The following KIF26A variants were observed in gnomAD, a reference collection of about 807,000 sequenced individuals.
KIF26A encodes the protein kinesin-like protein KIF26A.
KIF26A carries 74 observed loss-of-function variants against 126.0 expected under a neutral mutation model. The observed-to-expected ratio is 0.59, with a 90% CI of 0.49 to 0.71. The LOEUF is 0.71. Among genes scored for constraint, KIF26A ranks in the 30% least tolerant of loss-of-function variants. The probability of loss-of-function intolerance (pLI) is 0.00; values close to 1 mark genes in which losing one functional copy is unlikely to be tolerated. For synonymous variants in KIF26A, 1,445 were observed against 1,232.7 expected (o/e 1.17, Z -3.61); for missense variants, 2,984 against 2,763.3 (o/e 1.08, Z -1.79).
In KIF26A at chr14:104,175,638, C is replaced by A. The variant is rs745661898; in HGVS notation, c.2850C>A (p.Ser950Arg). The stretch of plus-strand genomic sequence containing the variant: ...GTGGAGGCAGGAGGCCACTGCCCAG[C>A]CCGGCTCCCCCACCTCCTCAGTTGC... ...AVSGGRRPLP[S>R]PAPPPPQLLE... The change falls in exon 12 of 15, where the codon AGC becomes AGA. Residue 950 changes from serine (S) to arginine (R), a missense_variant. Ser to Arg is a moderately radical substitution (Grantham distance 110). Coordinates refer to ENST00000423312, the MANE Select transcript of KIF26A (RefSeq NM_015656.2). 1 of 1,610,470 alleles carries A rather than the reference C, an allele frequency of 6.2e-7. No homozygotes were observed. The highest frequency in any genetic ancestry group is 2.2e-5 in the East Asian group (1 of 44,852).
intron 13 of KIF26A, 64 bp from the exon 14 acceptor site, chr14:104,179,172 G>A: frequency 2.1e-6 from 3 of 1,404,912 alleles, no homozygotes; most frequent in Middle Eastern, 2.6e-4. Context: ...GCCACATCAG[G>A]GCTGCTTGGG....
chr14:104,141,386 G>C (rs1186732483), intron 2 of KIF26A, among the ~76,000 whole-genome samples: 1 of 152,244 alleles, frequency 6.6e-6, no homozygotes, highest in African/African-American at 2.4e-5. Context: ...TGTTTACAGG[G>C]AACTTCACAA....
Position 104,178,766 on chromosome 14 carries a change from TGGTGGGCTGG to T in KIF26A, c.5316+15_5316+24del. ...GAGGCCCCCACCCAGGTAGGGCCTTTGGTGGGCTGGGGTCTATGACCCCTGGTGGGGAGCC... is the reference window on the plus strand; with the variant it reads ...GAGGCCCCCACCCAGGTAGGGCCTTTGGTCTATGACCCCTGGTGGGGAGCC... On this transcript the variant is annotated intron_variant, in intron 13 of 14. Coordinates refer to ENST00000423312, the MANE Select transcript of KIF26A (RefSeq NM_015656.2). 6.9e-7 allele frequency: 1 copy of T among 1,453,920 alleles called. No individual in the cohort carries two copies. The highest frequency in any genetic ancestry group is 9.3e-7 in the Non-Finnish European group (1 of 1,072,222). The allele number at this position is 1,453,920 out of a possible 1,614,324, so 90.1% of individuals were successfully genotyped here.
intron 2 of KIF26A, among the ~76,000 whole-genome samples, chr14:104,149,755 G>C (rs925219703): frequency 5.3e-5 from 8 of 152,160 alleles, no homozygotes; most frequent in Non-Finnish European, 1.0e-4. Context: ...GCCTCCTGCT[G>C]TGCAGCCCTG....
rs759984609 is a variant in KIF26A, at chr14:104,175,732, G to A, written c.2944G>A (p.Val982Met). Reference sequence around the variant, plus strand: ...TGATGGAGTGGCACGGACCCCTCCCGTGGGCATGAGTGGGCAGGTGGCTGG... The same window carrying A: ...TGATGGAGTGGCACGGACCCCTCCCATGGGCATGAGTGGGCAGGTGGCTGG... ...GTDGVARTPP[V>M]GMSGQVAGSP... Residue 982 changes from valine (V) to methionine (M), a missense_variant, in exon 12 of 15, where the codon GTG becomes ATG. Transcript: ENST00000423312. The A allele has an allele frequency of 3.9e-6, 6 of 1,555,418 alleles. No homozygotes were observed. Among genetic ancestry groups the A allele is most frequent in the East Asian group, 2.4e-5 (1 of 41,990 alleles).
At chr14:104,145,939 C>T (rs115532673) in intron 2 of KIF26A, among the ~76,000 whole-genome samples, 1,991 of 152,364 alleles carry the variant, frequency 0.013, 16 homozygotes, top group Middle Eastern at 0.027. Context: ...TTATCTTCCA[C>T]GCCTGGCTCT....
At position 104,173,014 on chromosome 14, in the gene KIF26A, C is replaced by T. The variant is rs117777904; in HGVS notation, c.1458C>T (p.Pro486=). Residue 486 remains proline (P), a synonymous_variant, in exon 8 of 15, where the codon CCC becomes CCT. Coordinates refer to ENST00000423312, the MANE Select transcript of KIF26A (RefSeq NM_015656.2). ...CCATGATCGGGAAGGACAGCTCACC[C>T]CAGAGCCTGGGCATCGTGCCCTGCG... is the stretch of plus-strand genomic sequence containing the variant. ...SYTMIGKDSS[P]QSLGIVPCAI... 41,249 of 1,605,180 alleles carry T rather than the reference C, an allele frequency of 0.026. 612 individuals carry two copies. Among genetic ancestry groups the T allele is most frequent in the Middle Eastern group, 0.038 (186 of 4,912 alleles).
At position 104,152,323 on chromosome 14, in the gene KIF26A, C is replaced by T. The variant is rs532120289; in HGVS notation, c.597C>T (p.Pro199=). The T allele has an allele frequency of 5.0e-5, 79 of 1,579,842 alleles. No homozygotes were observed. Among genetic ancestry groups the T allele is most frequent in the Non-Finnish European group, 5.8e-5 (68 of 1,165,428 alleles). ...GGACCAAGGGGCTGGCCTGGTCCCC[C>T]GGGCCCAGTGTCCAGGTGTCTGTAG... The part of the protein sequence containing the change: ...PDRTKGLAWS[P]GPSVQVSVAP... Residue 199 remains proline, a synonymous_variant, in exon 3 of 15, where the codon CCC becomes CCT. Transcript: ENST00000423312. The surrounding 1 kb of genome is among the most constrained non-coding windows in gnomAD (Gnocchi z 5.9).
At chr14:104,174,454 G>A in intron 11 of KIF26A, 144 bp downstream of exon 11, 1 of 909,750 alleles carries the variant, frequency 1.1e-6, no homozygotes. Flanking sequence ...ATGTCATGAG[G>A]CTATGCCCAT....
Position 104,179,809 on chromosome 14 carries a change from A to G in KIF26A, c.*19A>G, listed in dbSNP as rs757637088. On this transcript the variant is annotated 3_prime_UTR_variant, in exon 15 of 15. Transcript: ENST00000423312. ...CGTCTGAGGCTGGGCGCCGGACAAG[A>G]GGAGGGGGCGTGCAGCGGGCTGGAG... 2.1e-5 allele frequency: 31 copies of G among 1,504,730 alleles called. No homozygotes were observed. The highest frequency in any genetic ancestry group is 2.7e-6 in the Non-Finnish European group (3 of 1,126,472). 93.2% of individuals were successfully genotyped at this position (1,504,730 alleles called of 1,614,324 possible).
rs930427900 is a variant in KIF26A, at chr14:104,173,382, A to G, written c.1736A>G (p.Tyr579Cys). The change falls in exon 9 of 15, where the codon TAC (tyrosine) becomes TGC (cysteine). Residue 579 changes from tyrosine to cysteine, a missense_variant. Coordinates refer to ENST00000423312, the MANE Select transcript of KIF26A (RefSeq NM_015656.2). The stretch of plus-strand genomic sequence containing the variant: ...CCCACGGCCGAGAAGGCGGCTTTCT[A>G]CCTGGATGCGGCCCTGGCGGCCCGC... The part of the protein sequence containing the change: ...RAPTAEKAAF[Y>C]LDAALAARST... 1 of 1,591,042 alleles carries G rather than the reference A, an allele frequency of 6.3e-7. No homozygotes were observed. Among genetic ancestry groups the G allele is most frequent in the East Asian group, 2.3e-5 (1 of 43,496 alleles).
rs1157809215 is a variant in KIF26A, at chr14:104,176,682, G to A, written c.3894G>A (p.Glu1298=). Residue 1298 remains glutamate, a synonymous_variant, in exon 12 of 15, where the codon GAG becomes GAA. Transcript: ENST00000423312. ...CAGCCAGGGCGGCCCGCAGGCCAGAGGCTGTGGCTCGGATCCCACCGCTGC... is the reference window on the plus strand; with the variant it reads ...CAGCCAGGGCGGCCCGCAGGCCAGAAGCTGTGGCTCGGATCCCACCGCTGC... ...EVAARAARRP[E]AVARIPPLRR... is the part of the protein sequence containing the mutation. 5.0e-6 allele frequency: 8 copies of A among 1,596,232 alleles called. No individual in the cohort carries two copies. The African/African-American group carries it at 8.0e-5, about 16-fold the overall frequency.
chr14:104,172,853 C>A, intron 7 of KIF26A, 124 bp from the exon 8 acceptor site: 8 of 1,338,870 alleles, frequency 6.0e-6, no homozygotes, highest in Non-Finnish European at 8.0e-6. Flanking sequence ...AGGCAGAGGG[C>A]TTAGGATGGA....
At position 104,166,923 on chromosome 14, in the gene KIF26A, A is replaced by T. The variant is rs1287712420; in HGVS notation, c.988A>T (p.Thr330Ser). Residue 330 changes from threonine to serine, a missense_variant, in exon 5 of 15, where the codon ACC (threonine) becomes TCC (serine). Physicochemically the swap from Thr to Ser is moderately conservative, Grantham distance 58. Transcript: ENST00000423312. ...GCCCCACCCGCCACCGCCTCCAGCC[A>T]CCCGCGGCACCTCCACCTACCCCAC... ...KKPHPPPPPA[T>S]RGTSTYPTDF... The T allele has an allele frequency of 6.3e-7, 1 of 1,592,666 alleles. No individual in the cohort carries two copies. Among genetic ancestry groups the T allele is most frequent in the East Asian group, 2.3e-5 (1 of 43,702 alleles).
intron 10 of KIF26A, 125 bp from the exon 11 acceptor site, chr14:104,174,005 TGCCCGTGGGCTGCCTGGG>T (rs1444395793): frequency 7.2e-7 from 1 of 1,390,514 alleles, no homozygotes; most frequent in African/African-American, 1.5e-5. Context: ...CAGGCCTCGC[TGCCCGTGGGCTGCCTGGG>T]GCCCCACGCT....
In KIF26A at chr14:104,176,280, C is replaced by A; in HGVS notation, c.3492C>A (p.Asp1164Glu). ...GDGSSGFLGPDRPDSPGPTWG... is the reference protein window; with the variant it reads ...GDGSSGFLGPERPDSPGPTWG... ...GAAGCTCTGGGTTCCTGGGGCCAGA[C>A]AGACCTGACAGTCCTGGGCCAACCT... The change falls in exon 12 of 15, where the codon GAC (aspartate) becomes GAA (glutamate). Residue 1164 changes from aspartate (D) to glutamate (E), a missense_variant. By Grantham distance (45) the Asp-to-Glu change is conservative. Coordinates refer to ENST00000423312, the MANE Select transcript of KIF26A (RefSeq NM_015656.2). The A allele has an allele frequency of 6.3e-7, 1 of 1,590,498 alleles. No individual in the cohort carries two copies. The highest frequency in any genetic ancestry group is 8.6e-7 in the Non-Finnish European group (1 of 1,166,894).
At position 104,173,816 on chromosome 14, in the gene KIF26A, C is replaced by T. The variant is rs368316603; in HGVS notation, c.1978C>T (p.Leu660=). The T allele has an allele frequency of 3.5e-5, 56 of 1,602,856 alleles. No individual in the cohort carries two copies. The African/African-American group carries it at 6.7e-4, about 19-fold the overall frequency. ...TCCCCTGTGTCTGTCCCTGTCGGCC[C>T]TGGGCAGCGTCATCTTGGCCCTGGT... The part of the protein sequence containing the change: ...GGPLCLSLSA[L]GSVILALVNG... Residue 660 remains leucine (L), a synonymous_variant, in exon 10 of 15, where the codon CTG becomes TTG. Transcript: ENST00000423312.
chr14:104,174,806 A>G (rs557675541), intron 11 of KIF26A, among the ~76,000 whole-genome samples, 176 bp from the exon 12 acceptor site: 95 of 152,296 alleles, frequency 6.2e-4, no homozygotes, highest in African/African-American at 1.9e-3. Flanking sequence ...TGGTCACTTA[A>G]GTTCTTCCCC....
chr14:104,155,417 G>T (rs1002457295), intron 3 of KIF26A, among the ~76,000 whole-genome samples: 1 of 152,162 alleles, frequency 6.6e-6, no homozygotes, highest in Non-Finnish European at 1.5e-5. Context: ...GGTGGGTCCC[G>T]TGCGGCTATG....
Sources: allele counts gnomAD v4.1 joint callset (sites outside exome capture counted in the v4.1 genomes callset), GRCh38; gene constraint gnomAD v4.1.1; non-coding constraint Gnocchi (gnomAD v3.1); transcripts MANE v1.5; gene names NCBI Gene and HGNC (gene_info 2026-07-23, HGNC 2026-07-21).